DENND1A: variants seen among roughly 807,000 people sequenced by gnomAD.
The protein encoded by DENND1A is DENN domain-containing protein 1A.
A neutral mutation model predicts 113.7 loss-of-function variants in DENND1A; 51 were observed. The observed-to-expected ratio is 0.45, with a 90% CI of 0.36 to 0.57. DENND1A has a LOEUF of 0.57. Among genes scored for constraint, DENND1A ranks in the 20% least tolerant of loss-of-function variants. DENND1A has a pLI of 0.00. For synonymous variants in DENND1A, 565 were observed against 570.8 expected, an observed-to-expected ratio of 0.99 and a Z score of 0.14; for missense variants, 1,258 against 1,395.9, an observed-to-expected ratio of 0.90 and a Z score of 1.57.
At chr9:123,530,253 G>A (rs923303605) in intron 13 of DENND1A, among the ~76,000 whole-genome samples, 7 of 152,162 alleles carry the variant, frequency 4.6e-5, no homozygotes, top group Non-Finnish European at 1.0e-4. Context: ...CTACTTAGAT[G>A]CAGCAGGGTA....
chr9:123,547,955 T>C (rs2056809190), intron 13 of DENND1A, among the ~76,000 whole-genome samples: 2 of 152,190 alleles, frequency 1.3e-5, no homozygotes, highest in South Asian at 2.1e-4. Context: ...TGCATATTAT[T>C]GCTATTTTTC....
chr9:123,862,419 A>G (rs1845182012), intron 2 of DENND1A, among the ~76,000 whole-genome samples: 1 of 152,222 alleles, frequency 6.6e-6, no homozygotes, highest in Admixed American at 6.5e-5. Context: ...TTGAGCTAAC[A>G]TGACCTAAAT....
At position 123,899,300 on chromosome 9, in the gene DENND1A, G is replaced by A. The variant is rs139529183; in HGVS notation, c.18-20279C>T. 3.1e-3 allele frequency among the ~76,000 whole-genome samples: 468 copies of A among 152,050 alleles called. 4 individuals are homozygous for A. The highest frequency in any genetic ancestry group is 4.2e-3 in the Admixed American group (64 of 15,272). On this transcript the variant is annotated intron_variant, in intron 1 of 23. Transcript: ENST00000394215. Reference sequence around the variant, plus strand: ...CAATGCCAGTTCTCCCTCCTGACTCGCCAGTGTCTATGAAGGGTATTATGA... The same window carrying A: ...CAATGCCAGTTCTCCCTCCTGACTCACCAGTGTCTATGAAGGGTATTATGA...
intron 5 of DENND1A, among the ~76,000 whole-genome samples, chr9:123,740,260 T>C (rs1327533337): frequency 1.3e-5 from 2 of 152,250 alleles, no homozygotes. Flanking sequence ...CTTAATGTTC[T>C]GAGATTATCT....
At chr9:123,457,685 TG>T in intron 14 of DENND1A, 107 bp downstream of exon 14, 2 of 1,094,434 alleles carry the variant, frequency 1.8e-6, no homozygotes, top group African/African-American at 1.6e-5. Flanking sequence ...CTCTTTTGCC[TG>T]GGGCCTGAGT....
chr9:123,893,260 G>A (rs2133794470), intron 1 of DENND1A, among the ~76,000 whole-genome samples: 1 of 152,314 alleles, frequency 6.6e-6, no homozygotes, highest in East Asian at 1.9e-4. Context: ...GCTGGGACTA[G>A]AACCCAGGCA....
chr9:123,902,208 TACAC>T (rs1337550178), intron 1 of DENND1A, among the ~76,000 whole-genome samples: 3 of 114,298 alleles, frequency 2.6e-5, no homozygotes, highest in Non-Finnish European at 5.4e-5. Flanking sequence ...CACACACACA[TACAC>T]ACACACGTAG....
intron 8 of DENND1A, among the ~76,000 whole-genome samples, chr9:123,657,092 G>A (rs1163370932): frequency 6.6e-6 from 1 of 152,228 alleles, no homozygotes; most frequent in African/African-American, 2.4e-5. Context: ...TCTGGACAGA[G>A]CAGCCTGCAA....
chr9:123,607,488 G>GACAC lies in DENND1A; in HGVS notation c.765+1944_765+1947dup, dbSNP rs10557656. Among the ~76,000 whole-genome samples, 400 of 71,020 alleles carry GACAC rather than the reference G, an allele frequency of 5.6e-3. 7 individuals carry two copies. Among genetic ancestry groups the GACAC allele is most frequent in the East Asian group, 0.047 (97 of 2,066 alleles). The allele number at this position is 71,020 out of a possible 152,430, so 46.6% of individuals were successfully genotyped here. A position where few individuals can be genotyped will look rare whatever the true frequency, so the allele number is the denominator to read the frequency against. On this transcript the variant is annotated intron_variant, in intron 11 of 23. Transcript: ENST00000394215. ...AGAGAGAGAGAGACACAGAGAGAGA[G>GACAC]ACACACACACACACACACACACACA...
At chr9:123,447,782 G>A (rs914531583) in intron 18 of DENND1A, among the ~76,000 whole-genome samples, 3 of 146,546 alleles carry the variant, frequency 2.0e-5, no homozygotes, top group East Asian at 3.9e-4. Flanking sequence ...AGGGAAAGGG[G>A]AGAAGGACAA....
Position 123,403,333 on chromosome 9 carries a change from G to C in DENND1A, c.1631+69C>G, listed in dbSNP as rs950646969. On this transcript the variant is annotated intron_variant, in intron 21 of 23. Transcript: ENST00000394215. ...CACAAAGGCCGGGGCTACACGCTTG[G>C]GCTTCGCAAAGTGCTGGCTCCGCAG... 3 of 1,541,412 alleles carry C rather than the reference G, an allele frequency of 1.9e-6. No homozygotes were observed. The Admixed American group carries it at 5.3e-5, about 27-fold the overall frequency.
intron 13 of DENND1A, among the ~76,000 whole-genome samples, chr9:123,498,119 G>A (rs866222891): frequency 2.0e-5 from 3 of 152,174 alleles, no homozygotes; most frequent in Non-Finnish European, 4.4e-5. Flanking sequence ...TAAAGCCTTG[G>A]GTGAAATAGC....
intron 17 of DENND1A, among the ~76,000 whole-genome samples, chr9:123,451,671 C>T (rs1012704479): frequency 1.3e-5 from 2 of 152,178 alleles, no homozygotes; most frequent in Non-Finnish European, 2.9e-5. Flanking sequence ...ACCATGCTTC[C>T]GGGTCTCAGA....
At chr9:123,682,351 C>T (rs145199348) in intron 5 of DENND1A, among the ~76,000 whole-genome samples, 7 of 152,294 alleles carry the variant, frequency 4.6e-5, no homozygotes, top group African/African-American at 1.7e-4. Flanking sequence ...CATGTCGGGA[C>T]TGATGAGTTT....
chr9:123,791,710 T>TA (rs916955408), intron 3 of DENND1A, among the ~76,000 whole-genome samples: 2 of 152,310 alleles, frequency 1.3e-5, no homozygotes, highest in African/African-American at 4.8e-5. Flanking sequence ...AGACTTTTAA[T>TA]AAAAAAATTA....
chr9:123,846,642 A>G (rs75853780), intron 2 of DENND1A, among the ~76,000 whole-genome samples: 11,088 of 152,284 alleles, frequency 0.073, 804 homozygotes, highest in African/African-American at 0.19. Flanking sequence ...AGGAAACTAG[A>G]ATAGGCAAAT....
intron 2 of DENND1A, among the ~76,000 whole-genome samples, chr9:123,848,250 A>AC (rs1380689396): frequency 1.3e-5 from 2 of 150,458 alleles, no homozygotes; most frequent in African/African-American, 4.9e-5. Context: ...AAAAAAAAAA[A>AC]AAAAAAACAA....
chr9:123,884,856 T>A (rs1848787172), intron 1 of DENND1A, among the ~76,000 whole-genome samples: 1 of 152,112 alleles, frequency 6.6e-6, no homozygotes. Context: ...CACTTCACTA[T>A]TCTACATTAT....
intron 5 of DENND1A, among the ~76,000 whole-genome samples, chr9:123,678,948 T>C (rs904221479): frequency 2.6e-5 from 4 of 152,202 alleles, no homozygotes; most frequent in Non-Finnish European, 4.4e-5. Context: ...AAAGCCATTA[T>C]AGTATGAACG....
Sources: allele counts gnomAD v4.1 joint callset (sites outside exome capture counted in the v4.1 genomes callset), GRCh38; gene constraint gnomAD v4.1.1; transcripts MANE v1.5; gene names NCBI Gene and HGNC (gene_info 2026-07-23, HGNC 2026-07-21).